CDC123: variants seen among roughly 807,000 people sequenced by gnomAD.
CDC123 encodes the protein cell division cycle 123.
A neutral mutation model predicts 54.4 loss-of-function variants in CDC123; 37 were observed. That is an observed-to-expected ratio of 0.68 (90% confidence interval 0.52 to 0.89). The LOEUF (loss-of-function observed/expected upper bound fraction) is 0.89, where lower values mean the gene tolerates loss of function less well. CDC123 is among the 40% of genes least tolerant of loss of function. CDC123 has a pLI of 0.00. For missense variants in CDC123, 361 were observed against 412.1 expected, an observed-to-expected ratio of 0.88 and a Z score of 1.07; for synonymous variants, 144 against 136.8, an observed-to-expected ratio of 1.05 and a Z score of -0.37.
At chr10:12,196,452 C>A in intron 1 of CDC123, 133 bp downstream of exon 1, 1 of 1,207,050 alleles carries the variant, frequency 8.3e-7, no homozygotes, top group Non-Finnish European at 1.2e-6. Flanking sequence ...GAGGGAAGTA[C>A]ATCAGCAATT....
chr10:12,212,647 T>C (rs1193356026), intron 4 of CDC123, among the ~76,000 whole-genome samples: 1 of 152,074 alleles, frequency 6.6e-6, no homozygotes, highest in African/African-American at 2.4e-5. Flanking sequence ...TCCCAAAACT[T>C]TACGAGCACT....
chr10:12,250,231 C>A (rs1437947241), intron 12 of CDC123, 80 bp from the exon 13 acceptor site: 2 of 814,798 alleles, frequency 2.5e-6, no homozygotes, highest in South Asian at 1.9e-5. Context: ...TTTGCCAAGA[C>A]CTCTAGAAAA....
At chr10:12,205,560 T>C (rs956991341) in intron 2 of CDC123, among the ~76,000 whole-genome samples, 6 of 152,232 alleles carry the variant, frequency 3.9e-5, no homozygotes, top group African/African-American at 1.4e-4. Flanking sequence ...TTCTGTGAAG[T>C]AGTTGCTATT....
intron 6 of CDC123, among the ~76,000 whole-genome samples, chr10:12,229,763 CATT>C (rs1321836095): frequency 3.3e-5 from 5 of 152,152 alleles, no homozygotes; most frequent in African/African-American, 4.8e-5. Context: ...CGATATGAAA[CATT>C]GTTGATGAAA....
intron 4 of CDC123, among the ~76,000 whole-genome samples, chr10:12,215,441 A>G (rs538826940): frequency 6.6e-6 from 1 of 152,292 alleles, no homozygotes; most frequent in African/African-American, 2.4e-5. Context: ...ATGTCGGTGT[A>G]CAGAGAACCA....
At chr10:12,236,832 A>C (rs1204213106) in intron 8 of CDC123, among the ~76,000 whole-genome samples, 1 of 152,160 alleles carries the variant, frequency 6.6e-6, no homozygotes, top group Non-Finnish European at 1.5e-5. Context: ...CAGAGGTTGC[A>C]GTGAGCCGAG....
At chr10:12,226,378 T>TG (rs1416267665) in intron 6 of CDC123, among the ~76,000 whole-genome samples, 1 of 144,278 alleles carries the variant, frequency 6.9e-6, no homozygotes, top group Non-Finnish European at 1.5e-5. Context: ...CCCTCCCAGA[T>TG]GGGGCGGCTG....
intron 9 of CDC123, among the ~76,000 whole-genome samples, chr10:12,237,921 T>C (rs1444868622): frequency 6.6e-6 from 1 of 152,246 alleles, no homozygotes; most frequent in Non-Finnish European, 1.5e-5. Flanking sequence ...GGGTTGTTTT[T>C]AGGAATTGAA....
intron 6 of CDC123, among the ~76,000 whole-genome samples, chr10:12,221,524 A>G (rs1269340198): frequency 6.6e-6 from 1 of 152,150 alleles, no homozygotes; most frequent in Non-Finnish European, 1.5e-5. Context: ...CATTGGTCAC[A>G]GTTACCCAGC....
intron 1 of CDC123, 27 bp downstream of exon 1, chr10:12,196,346 C>T (rs1422817373): frequency 6.2e-7 from 1 of 1,613,736 alleles, no homozygotes; most frequent in Non-Finnish European, 8.5e-7. Flanking sequence ...TTCGCCCGGT[C>T]GACCGGCAAA....
At chr10:12,212,661 A>G (rs949382755) in intron 4 of CDC123, among the ~76,000 whole-genome samples, 1 of 152,160 alleles carries the variant, frequency 6.6e-6, no homozygotes, top group South Asian at 2.1e-4. Context: ...GAGCACTAAC[A>G]TGACACCACA....
intron 1 of CDC123, among the ~76,000 whole-genome samples, chr10:12,197,430 C>T (rs1322061048): frequency 6.6e-6 from 1 of 151,634 alleles, no homozygotes; most frequent in East Asian, 1.9e-4. Context: ...AGCTGGAGTG[C>T]AGTGGCAGCG....
intron 10 of CDC123, among the ~76,000 whole-genome samples, chr10:12,244,257 G>A (rs986477257): frequency 1.3e-5 from 2 of 152,206 alleles, no homozygotes; most frequent in South Asian, 2.1e-4. Flanking sequence ...ACACACACCC[G>A]CTCAGGACAT....
At chr10:12,223,549 G>A (rs1835764766) in intron 6 of CDC123, among the ~76,000 whole-genome samples, 1 of 152,188 alleles carries the variant, frequency 6.6e-6, no homozygotes, top group Non-Finnish European at 1.5e-5. Context: ...GCCTCCCAGA[G>A]TGCTGGGATT....
At chr10:12,236,429 T>G (rs1835977149) in intron 8 of CDC123, among the ~76,000 whole-genome samples, 1 of 151,834 alleles carries the variant, frequency 6.6e-6, no homozygotes, top group Non-Finnish European at 1.5e-5. Flanking sequence ...TGAGACCCCG[T>G]CTCTACAAAA....
At chr10:12,209,150 T>TC (rs1219177101) in intron 2 of CDC123, among the ~76,000 whole-genome samples, 18 of 152,188 alleles carry the variant, frequency 1.2e-4, no homozygotes, top group African/African-American at 4.3e-4. Flanking sequence ...AGTCTTTTTT[T>TC]CCCTTTCCCT....
In CDC123 at chr10:12,237,030, G is replaced by T. The variant is rs1039228248; in HGVS notation, c.566-114G>T. ...GTCGTGTGTAATGCCGTACCCATCA[G>T]GGTGATCTTCTAATCTACTTTAATG... is the stretch of plus-strand genomic sequence containing the variant. On this transcript the variant is annotated intron_variant, in intron 8 of 12. Coordinates refer to ENST00000281141, the MANE Select transcript of CDC123 (RefSeq NM_006023.3). 2.2e-5 allele frequency: 28 copies of T among 1,273,592 alleles called. No individual in the cohort carries two copies. In the African/African-American group the frequency reaches 3.9e-4, roughly 18 times the overall value. The allele number at this position is 1,273,592 out of a possible 1,614,324, so 78.9% of individuals were successfully genotyped here.
intron 5 of CDC123, among the ~76,000 whole-genome samples, chr10:12,217,063 C>T (rs1184780975): frequency 3.3e-5 from 5 of 152,160 alleles, no homozygotes; most frequent in Admixed American, 3.3e-4. Context: ...GTCGATGTTT[C>T]TGATACCTCA....
chr10:12,234,928 C>T (rs1169919288), intron 7 of CDC123, 120 bp from the exon 8 acceptor site: 8 of 690,444 alleles, frequency 1.2e-5, no homozygotes, highest in Non-Finnish European at 2.0e-5. Context: ...ATGTCATATG[C>T]CTCTTTTTTT....
Sources: allele counts gnomAD v4.1 joint callset (sites outside exome capture counted in the v4.1 genomes callset), GRCh38; gene constraint gnomAD v4.1.1; transcripts MANE v1.5; gene names NCBI Gene and HGNC (gene_info 2026-07-23, HGNC 2026-07-21).